The following RASA2 variants were observed in gnomAD, a reference collection of about 807,000 sequenced individuals.
RASA2 encodes RAS p21 protein activator 2.
In RASA2, 155 loss-of-function variants were observed where a neutral mutation model predicts 118.2. The observed-to-expected ratio is 1.31, with a 90% CI of 1.15 to 1.50. The LOEUF is 1.50. RASA2 is among the 40% of genes most tolerant of loss of function. RASA2 has a pLI of 0.00. For missense variants in RASA2, 1,016 were observed against 1,009.6 expected (o/e 1.01, Z -0.09); for synonymous variants, 353 against 349.1 (o/e 1.01, Z -0.12).
At chr3:141,502,131 A>G (rs2081792511) in intron 1 of RASA2, among the ~76,000 whole-genome samples, 1 of 152,204 alleles carries the variant, frequency 6.6e-6, no homozygotes, top group Admixed American at 6.5e-5. Flanking sequence ...CAAAATGTAA[A>G]AACATTTGAA....
intron 18 of RASA2, 66 bp downstream of exon 18, chr3:141,586,164 G>C (rs141835822): frequency 7.1e-7 from 1 of 1,417,068 alleles, no homozygotes; most frequent in South Asian, 1.2e-5. Context: ...TACAAAGAGC[G>C]TGGGTCTAAG....
Position 141,540,571 on chromosome 3 carries a change from A to G in RASA2, c.489A>G (p.Ile163Met). 6.2e-7 allele frequency: 1 copy of G among 1,613,054 alleles called. No individual in the cohort carries two copies. Among genetic ancestry groups the G allele is most frequent in the Non-Finnish European group, 8.5e-7 (1 of 1,179,278 alleles). The change falls in exon 5 of 24, where the codon ATA (isoleucine) becomes ATG (methionine). Residue 163 changes from isoleucine to methionine, a missense_variant. By Grantham distance (10) the Ile-to-Met change is conservative. Transcript: ENST00000286364. ...VHLELKLNEL[I>M]TENGTVCQQL... ...TTGAATTAAAACTGAATGAACTGAT[A>G]ACGGAGAATGGAACTGTATGCCAGC...
At chr3:141,559,320 A>G (rs541273653) in intron 8 of RASA2, among the ~76,000 whole-genome samples, 1 of 152,236 alleles carries the variant, frequency 6.6e-6, no homozygotes, top group East Asian at 1.9e-4. Flanking sequence ...TCTTCTTAAC[A>G]TATCTGCTGT....
At chr3:141,499,937 T>C (rs1239137897) in intron 1 of RASA2, among the ~76,000 whole-genome samples, 2 of 152,132 alleles carry the variant, frequency 1.3e-5, no homozygotes, top group Admixed American at 6.5e-5. Flanking sequence ...TTATAGACTC[T>C]TGGATTATTT....
chr3:141,602,019 G>A (rs1196739013), intron 19 of RASA2, among the ~76,000 whole-genome samples: 1 of 152,168 alleles, frequency 6.6e-6, no homozygotes, highest in East Asian at 1.9e-4. Context: ...TATATGTTCA[G>A]TTGCTATTAG....
At chr3:141,540,015 A>G (rs942864057) in intron 4 of RASA2, among the ~76,000 whole-genome samples, 7 of 152,114 alleles carry the variant, frequency 4.6e-5, no homozygotes, top group Admixed American at 4.6e-4. Context: ...CCACTCCCAC[A>G]GTGCCTTCTG....
chr3:141,574,293 C>T (rs1025282712), intron 14 of RASA2, among the ~76,000 whole-genome samples: 9 of 151,876 alleles, frequency 5.9e-5, no homozygotes, highest in African/African-American at 1.7e-4. Context: ...GGGTTCATGC[C>T]ATTCTCCTGC....
At chr3:141,603,297 A>G (rs769323656) in intron 19 of RASA2, among the ~76,000 whole-genome samples, 1 of 152,170 alleles carries the variant, frequency 6.6e-6, no homozygotes, top group Non-Finnish European at 1.5e-5. Context: ...TAGGCCAGGC[A>G]CAGTGGTTCA....
intron 4 of RASA2, 73 bp downstream of exon 4, chr3:141,529,875 T>A: frequency 8.5e-7 from 1 of 1,173,022 alleles, no homozygotes; most frequent in Non-Finnish European, 1.2e-6. Context: ...ATTAAACTGG[T>A]TCATGTAAAT....
At chr3:141,540,653 A>G in intron 5 of RASA2, 44 bp downstream of exon 5, 3 of 1,515,314 alleles carry the variant, frequency 2.0e-6, no homozygotes, top group East Asian at 2.3e-5. Context: ...ATAATTCTCC[A>G]TTTTGTATTC....
chr3:141,500,839 T>A (rs1003662392), intron 1 of RASA2, among the ~76,000 whole-genome samples: 2 of 152,146 alleles, frequency 1.3e-5, no homozygotes, highest in Admixed American at 6.5e-5. Flanking sequence ...ATTTCAAGTG[T>A]TGTCTCTCAG....
At chr3:141,520,577 T>A (rs1255399794) in intron 3 of RASA2, among the ~76,000 whole-genome samples, 1 of 151,900 alleles carries the variant, frequency 6.6e-6, no homozygotes, top group Admixed American at 6.6e-5. Context: ...ATACATGCAT[T>A]TGTACTGCTA....
chr3:141,548,793 G>C (rs1424895828), intron 5 of RASA2, among the ~76,000 whole-genome samples: 1 of 152,120 alleles, frequency 6.6e-6, no homozygotes, highest in Non-Finnish European at 1.5e-5. Flanking sequence ...GATCTTCACT[G>C]TGTTCCTGTT....
intron 14 of RASA2, among the ~76,000 whole-genome samples, chr3:141,576,634 G>C (rs1442665001): frequency 6.6e-6 from 1 of 152,184 alleles, no homozygotes; most frequent in Non-Finnish European, 1.5e-5. Flanking sequence ...AAGTAGCCTT[G>C]TATCATACTC....
At chr3:141,507,012 T>C (rs2081879326) in intron 1 of RASA2, among the ~76,000 whole-genome samples, 1 of 151,988 alleles carries the variant, frequency 6.6e-6, no homozygotes, top group African/African-American at 2.4e-5. Flanking sequence ...TAAAATTTTA[T>C]CCAAATGCTA....
intron 3 of RASA2, among the ~76,000 whole-genome samples, chr3:141,519,929 A>T (rs1043177122): frequency 6.6e-6 from 1 of 151,984 alleles, no homozygotes; most frequent in African/African-American, 2.4e-5. Flanking sequence ...TAGGGAGAAC[A>T]GCTCATTTTA....
chr3:141,535,681 A>G (rs1233789622), intron 4 of RASA2, among the ~76,000 whole-genome samples: 1 of 152,186 alleles, frequency 6.6e-6, no homozygotes, highest in East Asian at 1.9e-4. Context: ...AACGGGGAGC[A>G]GGCATATTAC....
chr3:141,607,998 T>C (rs2083575113), intron 20 of RASA2, among the ~76,000 whole-genome samples: 1 of 152,166 alleles, frequency 6.6e-6, no homozygotes, highest in Non-Finnish European at 1.5e-5. Flanking sequence ...TCATATAGCT[T>C]GCCTAGTTTG....
intron 1 of RASA2, among the ~76,000 whole-genome samples, chr3:141,503,671 G>A (rs2081819157): frequency 6.6e-6 from 1 of 152,060 alleles, no homozygotes; most frequent in Non-Finnish European, 1.5e-5. Context: ...TTAGTATTAG[G>A]CCATACATTT....
Sources: gnomAD v4.1 joint callset for allele counts (sites outside exome capture counted in the v4.1 genomes callset) on GRCh38, gnomAD v4.1.1 for gene constraint, MANE v1.5 for transcripts, NCBI Gene and HGNC (gene_info 2026-07-23, HGNC 2026-07-21) for gene names.